Variants in ITPR2 observed in about 807,000 individuals in gnomAD.
ITPR2 encodes the protein inositol 1,4,5-trisphosphate-gated calcium channel ITPR2.
Under a neutral mutation model 317.1 loss-of-function variants are expected in ITPR2, and 207 were observed. That is an observed-to-expected ratio of 0.65 (90% CI 0.58 to 0.73). The LOEUF (loss-of-function observed/expected upper bound fraction) is 0.73. Among genes scored for constraint, ITPR2 ranks in the 30% least tolerant of loss-of-function variants. The pLI is 0.00. For synonymous variants in ITPR2, 1,156 were observed against 1,149.1 expected, an observed-to-expected ratio of 1.01 and a Z score of -0.12; for missense variants, 2,613 against 3,284.0, an observed-to-expected ratio of 0.80 and a Z score of 4.99.
chr12:26,577,982 C>A (rs535509819), intron 34 of ITPR2, among the ~76,000 whole-genome samples: 1 of 152,254 alleles, frequency 6.6e-6, no homozygotes, highest in South Asian at 2.1e-4. Context: ...GGTAAGTACC[C>A]AACAAATGTT....
At chr12:26,452,497 GC>G (rs59643660) in intron 45 of ITPR2, among the ~76,000 whole-genome samples, 3,501 of 152,070 alleles carry the variant, frequency 0.023, 132 homozygotes, top group African/African-American at 0.08. Context: ...ATACTGCTTT[GC>G]ATGGAGTGTG....
At chr12:26,346,835 G>C (rs888309767) in intron 55 of ITPR2, among the ~76,000 whole-genome samples, 2 of 152,120 alleles carry the variant, frequency 1.3e-5, no homozygotes, top group Non-Finnish European at 2.9e-5. Flanking sequence ...TTCCTTATCT[G>C]TAAAATCAGA....
intron 49 of ITPR2, 81 bp from the exon 50 acceptor site, chr12:26,419,294 T>C: frequency 2.5e-6 from 3 of 1,192,134 alleles, no homozygotes; most frequent in Non-Finnish European, 2.4e-6. Context: ...TCATAGTCCA[T>C]GACTTTTTGA....
intron 55 of ITPR2, among the ~76,000 whole-genome samples, chr12:26,357,293 TTCAA>T (rs1358188261): frequency 1.3e-5 from 2 of 152,128 alleles, no homozygotes; most frequent in Admixed American, 1.3e-4. Context: ...TGGCCAATGA[TTCAA>T]TCAATCAGGC....
intron 2 of ITPR2, among the ~76,000 whole-genome samples, chr12:26,768,317 T>G (rs1306338960): frequency 6.6e-6 from 1 of 150,824 alleles, no homozygotes. Context: ...TAATGATAGA[T>G]GACACGTTGG....
intron 45 of ITPR2, among the ~76,000 whole-genome samples, chr12:26,468,705 A>C (rs1942231509): frequency 6.6e-6 from 1 of 151,612 alleles, no homozygotes. Flanking sequence ...ATAATACTTA[A>C]ACTATAAATT....
chr12:26,821,328 A>G (rs1030326145), intron 1 of ITPR2, among the ~76,000 whole-genome samples: 1 of 152,288 alleles, frequency 6.6e-6, no homozygotes, highest in Non-Finnish European at 1.5e-5. Context: ...GGGCATTGCC[A>G]CTTGCCGTCA....
chr12:26,431,056 T>C (rs975337454), intron 48 of ITPR2, among the ~76,000 whole-genome samples: 3 of 152,242 alleles, frequency 2.0e-5, no homozygotes, highest in Non-Finnish European at 2.9e-5. Flanking sequence ...ACAAGTTTAC[T>C]AATCTTTGTA....
intron 51 of ITPR2, 73 bp downstream of exon 51, chr12:26,415,230 T>C (rs1940684454): frequency 5.2e-6 from 5 of 960,988 alleles, no homozygotes; most frequent in South Asian, 3.5e-5. Flanking sequence ...TGTTTATCTA[T>C]GATCCTGTTA....
At position 26,487,070 on chromosome 12, in the gene ITPR2, C is replaced by G. The variant is rs776329526; in HGVS notation, c.5552G>C (p.Arg1851Thr). ...CAAATACTCAAATACTTCTTTACCT[C>G]TCATTCGTGGACCAGATGTCATCAA... ...NELMTSGPRM[R>T]VRDSTLHLKE... Residue 1851 changes from arginine to threonine, a missense_variant and splice_region_variant, in exon 40 of 57, where the codon AGA becomes ACA. Arg to Thr is a moderately conservative substitution (Grantham distance 71). This residue lies in a region of ITPR2 where 926 missense variants were observed against 1,072.8 expected (regional missense o/e 0.86). Coordinates refer to ENST00000381340, the MANE Select transcript of ITPR2 (RefSeq NM_002223.4). The G allele has an allele frequency of 1.1e-5, 17 of 1,611,126 alleles. No homozygotes were observed. The highest frequency in any genetic ancestry group is 9.4e-5 in the African/African-American group (7 of 74,738).
chr12:26,446,419 T>C (rs1057475039), intron 45 of ITPR2, among the ~76,000 whole-genome samples: 3 of 152,104 alleles, frequency 2.0e-5, no homozygotes, highest in Non-Finnish European at 4.4e-5. Flanking sequence ...AAATCTTACA[T>C]AACTGATAGT....
At chr12:26,479,156 A>C (rs1206239628) in intron 43 of ITPR2, among the ~76,000 whole-genome samples, 3 of 151,494 alleles carry the variant, frequency 2.0e-5, no homozygotes, top group East Asian at 3.9e-4. Context: ...AAAAAAAAAA[A>C]AAACTATACT....
At position 26,774,929 on chromosome 12, in the gene ITPR2, G is replaced by A. The variant is rs78000469; in HGVS notation, c.163+15228C>T. On this transcript the variant is annotated intron_variant, in intron 2 of 56. Coordinates refer to ENST00000381340, the MANE Select transcript of ITPR2 (RefSeq NM_002223.4). The stretch of plus-strand genomic sequence containing the variant: ...GTTGGCCCCAGCCTTCCTGTCCTTC[G>A]TAGGAGGTTCCAAGGCATGTTCTGC... Among the ~76,000 whole-genome samples, 972 of 152,270 alleles carry A rather than the reference G, an allele frequency of 6.4e-3. 19 individuals carry two copies. Among genetic ancestry groups the A allele is most frequent in the African/African-American group, 0.022 (926 of 41,544 alleles).
At chr12:26,607,035 T>C (rs1407282755) in intron 26 of ITPR2, among the ~76,000 whole-genome samples, 1 of 152,224 alleles carries the variant, frequency 6.6e-6, no homozygotes, top group Non-Finnish European at 1.5e-5. Flanking sequence ...AATCCTACAA[T>C]GTAGAGCTGC....
intron 21 of ITPR2, among the ~76,000 whole-genome samples, chr12:26,632,860 A>C (rs192132655): frequency 6.6e-6 from 1 of 152,360 alleles, no homozygotes; most frequent in East Asian, 1.9e-4. Flanking sequence ...CACTGACCAC[A>C]AATAGCTGTA....
intron 37 of ITPR2, among the ~76,000 whole-genome samples, chr12:26,525,813 C>T (rs1390719974): frequency 2.6e-5 from 4 of 152,164 alleles, no homozygotes; most frequent in African/African-American, 9.7e-5. Flanking sequence ...CCCTATCAGA[C>T]CTACTGCTTA....
intron 2 of ITPR2, among the ~76,000 whole-genome samples, chr12:26,767,595 G>A (rs1434800478): frequency 1.3e-5 from 2 of 152,136 alleles, no homozygotes; most frequent in Non-Finnish European, 2.9e-5. Context: ...TATCTTTAGA[G>A]AGACAGACAA....
chr12:26,712,332 T>G (rs1477121501), intron 8 of ITPR2, among the ~76,000 whole-genome samples: 2 of 152,188 alleles, frequency 1.3e-5, no homozygotes, highest in East Asian at 3.8e-4. Flanking sequence ...ACGAATTCTG[T>G]GTGTTAACAT....
chr12:26,538,144 G>A (rs1287495342), intron 37 of ITPR2, among the ~76,000 whole-genome samples: 1 of 152,306 alleles, frequency 6.6e-6, no homozygotes, highest in South Asian at 2.1e-4. Context: ...CAGATTGGCT[G>A]GATTTTCCTC....
Sources: gnomAD v4.1 joint callset for allele counts (sites outside exome capture counted in the v4.1 genomes callset) on GRCh38, gnomAD v4.1.1 for gene constraint, gnomAD v4.1.1 regional missense constraint, MANE v1.5 for transcripts, NCBI Gene and HGNC (gene_info 2026-07-23, HGNC 2026-07-21) for gene names.